The following ALPK3 variants were observed in gnomAD, a reference collection of about 807,000 sequenced individuals.
ALPK3 encodes the protein alpha kinase 3.
In ALPK3, 102 loss-of-function variants were observed where a neutral mutation model predicts 140.0. That is an observed-to-expected ratio of 0.73 (90% CI 0.62 to 0.86). ALPK3 has a LOEUF of 0.86. Among genes scored for constraint, ALPK3 ranks in the 40% least tolerant of loss-of-function variants. ALPK3 has a pLI of 0.00. For synonymous variants in ALPK3, 938 were observed against 898.5 expected (o/e 1.04, Z -0.79); for missense variants, 2,254 against 2,208.2 (o/e 1.02, Z -0.42).
intron 9 of ALPK3, among the ~76,000 whole-genome samples, chr15:84,861,007 T>A (rs17536107): frequency 0.08 from 12,159 of 152,278 alleles, 529 homozygotes; most frequent in African/African-American, 0.11. Flanking sequence ...GACTTTTGTT[T>A]AGTAATCAAA....
At chr15:84,830,705 GGTTT>G (rs1194818437) in intron 3 of ALPK3, among the ~76,000 whole-genome samples, 2 of 152,132 alleles carry the variant, frequency 1.3e-5, no homozygotes, top group Non-Finnish European at 2.9e-5. Flanking sequence ...TGGTTTGGTT[GGTTT>G]GTTTTTTGAG....
intron 5 of ALPK3, among the ~76,000 whole-genome samples, chr15:84,848,068 A>AAT (rs1963753397): frequency 6.6e-6 from 1 of 151,896 alleles, no homozygotes; most frequent in South Asian, 2.1e-4. Flanking sequence ...TCTCAAAAAA[A>AAT]AAAAAATAAA....
In ALPK3 at chr15:84,857,025, T is replaced by A; in HGVS notation, c.2287T>A (p.Ser763Thr). The change falls in exon 6 of 14, where the codon TCT (serine) becomes ACT (threonine). Residue 763 changes from serine to threonine, a missense_variant. By Grantham distance (58) the Ser-to-Thr change is moderately conservative. This residue lies in a region of ALPK3 where 2,088 missense variants were observed against 2,022.9 expected (regional missense o/e 1.03). Coordinates refer to ENST00000258888, the MANE Select transcript of ALPK3 (RefSeq NM_020778.5). ...IECFVQTPEG[S>T]CFPKKPGCLP... The stretch of plus-strand genomic sequence containing the variant: ...ATGTTTTGTACAGACCCCAGAAGGG[T>A]CTTGTTTCCCAAAAAAACCTGGTTG... 1.2e-6 allele frequency: 2 copies of A among 1,613,908 alleles called. No individual in the cohort carries two copies. Among genetic ancestry groups the A allele is most frequent in the South Asian group, 2.2e-5 (2 of 91,064 alleles).
Position 84,839,741 on chromosome 15 carries a change from C to G in ALPK3, c.462C>G (p.Ala154=), listed in dbSNP as rs1223783799. 6.2e-7 allele frequency: 1 copy of G among 1,613,726 alleles called. No individual in the cohort carries two copies. Among genetic ancestry groups the G allele is most frequent in the South Asian group, 1.1e-5 (1 of 91,032 alleles). Residue 154 remains alanine, a synonymous_variant, in exon 5 of 14, where the codon GCC becomes GCG. Transcript: ENST00000258888. Reference sequence around the variant, plus strand: ...ATGCCGCCATCTACCAGGCCTCTGCCCAGAACAGCAAGGGCATTGTGTCCT... The same window carrying G: ...ATGCCGCCATCTACCAGGCCTCTGCGCAGAACAGCAAGGGCATTGTGTCCT... ...EEDAAIYQAS[A]QNSKGIVSCS... is the part of the protein sequence containing the mutation.
At chr15:84,827,347 A>C in intron 2 of ALPK3, 137 bp from the exon 3 acceptor site, 1 of 1,295,660 alleles carries the variant, frequency 7.7e-7, no homozygotes, top group Non-Finnish European at 1.1e-6. Flanking sequence ...GCCTTGAAGA[A>C]AGACTTGCCG....
Position 84,870,469 on chromosome 15 carries a change from A to G in ALPK3, c.*2013A>G, listed in dbSNP as rs1370966868. ...GTATGAGGCCATCTCAGGAGAGACTACTTGTTAGGATTCTTGAGTTTTGAC... is the reference window on the plus strand; with the variant it reads ...GTATGAGGCCATCTCAGGAGAGACTGCTTGTTAGGATTCTTGAGTTTTGAC... On this transcript the variant is annotated 3_prime_UTR_variant, in exon 14 of 14. Coordinates refer to ENST00000258888, the MANE Select transcript of ALPK3 (RefSeq NM_020778.5). 6.6e-6 allele frequency: 1 copy of G among 152,244 alleles called. No homozygotes were observed. The highest frequency in any genetic ancestry group is 2.4e-5 in the African/African-American group (1 of 41,462). 9.4% of individuals were successfully genotyped at this position (152,244 alleles called of 1,614,324 possible).
rs2141542344 is a variant in ALPK3 at position 84,817,592 on chromosome 15, C to T, written c.140C>T (p.Thr47Ile). 6.7e-7 allele frequency: 1 copy of T among 1,498,212 alleles called. No homozygotes were observed. Among genetic ancestry groups the T allele is most frequent in the Non-Finnish European group, 8.9e-7 (1 of 1,129,144 alleles). 92.8% of individuals were successfully genotyped at this position (1,498,212 alleles called of 1,614,324 possible). A position where few individuals can be genotyped will look rare whatever the true frequency, so the allele number is the denominator to read the frequency against. ...RSYLLSVRPE[T>I]SLSSNRLSHP... ...TACCTGCTCAGCGTGCGGCCCGAGACCAGGTAAGTGGCACCAAGGGGCAGG... is the reference window on the plus strand; with the variant it reads ...TACCTGCTCAGCGTGCGGCCCGAGATCAGGTAAGTGGCACCAAGGGGCAGG... The change falls in exon 1 of 14, where the codon ACC becomes ATC. Residue 47 changes from threonine to isoleucine, a missense_variant. Physicochemically the swap from Thr to Ile is moderately conservative, Grantham distance 89. Around this residue, in one of 3 missense-constraint regions of ALPK3, gnomAD observed 2,088 missense variants for 2,022.9 expected, o/e 1.03. Transcript: ENST00000258888.
chr15:84,830,022 C>T (rs1247075191), intron 3 of ALPK3, among the ~76,000 whole-genome samples: 3 of 152,180 alleles, frequency 2.0e-5, no homozygotes, highest in African/African-American at 7.2e-5. Flanking sequence ...TATGCCTATA[C>T]AATATTATTC....
chr15:84,827,711 C>T, intron 3 of ALPK3, 106 bp downstream of exon 3: 1 of 1,450,882 alleles, frequency 6.9e-7, no homozygotes, highest in Non-Finnish European at 9.4e-7. Flanking sequence ...GTGCACAAAA[C>T]TACGTGAGGT....
chr15:84,866,451 C>T (rs1489922716), intron 12 of ALPK3, among the ~76,000 whole-genome samples: 1 of 152,168 alleles, frequency 6.6e-6, no homozygotes, highest in Admixed American at 6.5e-5. Context: ...TGTCTGACTC[C>T]AGAGGCCACA....
intron 11 of ALPK3, among the ~76,000 whole-genome samples, chr15:84,863,979 A>C (rs427564): frequency 0.55 from 83,167 of 152,116 alleles, 23,351 homozygotes; most frequent in Non-Finnish European, 0.62. Context: ...TGATCAGGAC[A>C]CTTCCGTGGT....
intron 1 of ALPK3, among the ~76,000 whole-genome samples, chr15:84,822,235 T>G (rs1256560736): frequency 6.6e-6 from 1 of 151,658 alleles, no homozygotes; most frequent in East Asian, 1.9e-4. Flanking sequence ...GCGGACTGGA[T>G]TTGGGGTTGG....
intron 5 of ALPK3, among the ~76,000 whole-genome samples, chr15:84,848,416 A>T (rs2141562312): frequency 1.3e-5 from 2 of 152,306 alleles, no homozygotes; most frequent in African/African-American, 4.8e-5. Flanking sequence ...TGGAGAGTTA[A>T]GTATGTATAT....
intron 3 of ALPK3, among the ~76,000 whole-genome samples, chr15:84,829,626 A>G (rs751112079): frequency 6.6e-6 from 1 of 152,206 alleles, no homozygotes; most frequent in Non-Finnish European, 1.5e-5. Flanking sequence ...CATGCGCAGT[A>G]GCTGTACATG....
At chr15:84,860,686 C>G (rs1963933582) in intron 9 of ALPK3, among the ~76,000 whole-genome samples, 1 of 152,144 alleles carries the variant, frequency 6.6e-6, no homozygotes, top group South Asian at 2.1e-4. Flanking sequence ...TGCATTAATT[C>G]CTTCATTCTC....
intron 5 of ALPK3, among the ~76,000 whole-genome samples, chr15:84,845,564 C>A (rs543440251): frequency 2.0e-5 from 3 of 152,338 alleles, no homozygotes; most frequent in Non-Finnish European, 4.4e-5. Context: ...TCATTAATGA[C>A]CTCTGGGTTT....
intron 3 of ALPK3, among the ~76,000 whole-genome samples, chr15:84,837,359 G>T (rs549897125): frequency 5.9e-5 from 9 of 152,342 alleles, no homozygotes; most frequent in Non-Finnish European, 8.8e-5. Context: ...GCACGAGCAG[G>T]TGGGATCCAG....
At position 84,817,549 on chromosome 15, in the gene ALPK3, A is replaced by G; in HGVS notation, c.97A>G (p.Ser33Gly). ...GEDDGPVWIPSPASRSYLLSV... is the reference protein window; with the variant it reads ...GEDDGPVWIPGPASRSYLLSV... ...GGACGACGGCCCCGTGTGGATCCCC[A>G]GCCCAGCCAGCCGGAGCTACCTGCT... Residue 33 changes from serine to glycine, a missense_variant, in exon 1 of 14, where the codon AGC (serine) becomes GGC (glycine). Around this residue, in one of 3 missense-constraint regions of ALPK3, gnomAD observed 2,088 missense variants for 2,022.9 expected, o/e 1.03. Transcript: ENST00000258888. 1 of 1,501,616 alleles carries G rather than the reference A, an allele frequency of 6.7e-7. No homozygotes were observed. The highest frequency in any genetic ancestry group is 8.8e-7 in the Non-Finnish European group (1 of 1,131,166). 93.0% of individuals were successfully genotyped at this position (1,501,616 alleles called of 1,614,324 possible).
In ALPK3 at chr15:84,831,272, G is replaced by T. The variant is rs150092320; in HGVS notation, c.304+3667G>T. Among the ~76,000 whole-genome samples the T allele has an allele frequency of 2.2e-3, 341 of 152,284 alleles. 1 individual carries two copies. Among genetic ancestry groups the T allele is most frequent in the African/African-American group, 8.0e-3 (333 of 41,562 alleles). ...GTCTCTTCACCCTGGAACATGCTTA[G>T]ATGCTTTCAGTTGGAAACGGAGAGC... is the stretch of plus-strand genomic sequence containing the variant. On this transcript the variant is annotated intron_variant, in intron 3 of 13. Coordinates refer to ENST00000258888, the MANE Select transcript of ALPK3 (RefSeq NM_020778.5).
Sources: gnomAD v4.1 joint callset for allele counts (sites outside exome capture counted in the v4.1 genomes callset) on GRCh38, gnomAD v4.1.1 for gene constraint, gnomAD v4.1.1 regional missense constraint, MANE v1.5 for transcripts, NCBI Gene and HGNC (gene_info 2026-07-23, HGNC 2026-07-21) for gene names.